Variants in COL5A1 observed in about 807,000 individuals in gnomAD.
COL5A1 encodes collagen alpha-1(V) chain.
In COL5A1, 16 loss-of-function variants were observed where a neutral mutation model predicts 263.7. That is an observed-to-expected ratio of 0.06 (90% CI 0.04 to 0.09). COL5A1 has a LOEUF of 0.09. Ranked by LOEUF, COL5A1 falls within the 10% of genes least tolerant of loss-of-function variation. The pLI, the probability that COL5A1 is intolerant of heterozygous loss-of-function variation, is 1.00. For missense variants in COL5A1, 2,036 were observed against 2,540.5 expected, an observed-to-expected ratio of 0.80 and a Z score of 4.27; for synonymous variants, 1,012 against 1,004.5, an observed-to-expected ratio of 1.01 and a Z score of -0.14.
At chr9:134,706,907 G>T (rs1833853670) in intron 4 of COL5A1, among the ~76,000 whole-genome samples, 1 of 152,220 alleles carries the variant, frequency 6.6e-6, no homozygotes, top group Admixed American at 6.5e-5. Context: ...AGGTGACCTG[G>T]ACCCGCCTAG....
At chr9:134,658,027 A>G (rs2132491809) in intron 1 of COL5A1, among the ~76,000 whole-genome samples, 1 of 152,000 alleles carries the variant, frequency 6.6e-6, no homozygotes, top group South Asian at 2.1e-4. Context: ...GGCGGACTGC[A>G]CTCGGAGTCC....
At chr9:134,760,950 C>T (rs1836400438) in intron 18 of COL5A1, among the ~76,000 whole-genome samples, 1 of 150,274 alleles carries the variant, frequency 6.7e-6, no homozygotes, top group Admixed American at 6.6e-5. Context: ...TGCATACACA[C>T]CCGCCACACA....
intron 64 of COL5A1, among the ~76,000 whole-genome samples, chr9:134,833,578 TTTC>T (rs975622394): frequency 1.1e-4 from 16 of 149,188 alleles, no homozygotes; most frequent in African/African-American, 4.1e-4. Flanking sequence ...AGGAGTGGTC[TTTC>T]TTGAGTGGCC....
At chr9:134,811,414 C>T in intron 45 of COL5A1, 22 bp downstream of exon 45, 1 of 1,613,910 alleles carries the variant, frequency 6.2e-7, no homozygotes, top group Non-Finnish European at 8.5e-7. Context: ...TGGTCAATGA[C>T]CTTCGAAAAG....
chr9:134,824,145 C>G (rs1208791350), intron 61 of COL5A1, among the ~76,000 whole-genome samples: 1 of 152,188 alleles, frequency 6.6e-6, no homozygotes, highest in Non-Finnish European at 1.5e-5. Context: ...GTCTCTCCAA[C>G]TCCCATCGTC....
chr9:134,795,775 C>T (rs1588559128), intron 34 of COL5A1, among the ~76,000 whole-genome samples: 1 of 152,396 alleles, frequency 6.6e-6, no homozygotes, highest in East Asian at 1.9e-4. Context: ...TGAAGCCACT[C>T]CTTGGGTGGA....
At chr9:134,835,296 C>T in intron 65 of COL5A1, 92 bp downstream of exon 65, 2 of 1,195,178 alleles carry the variant, frequency 1.7e-6, no homozygotes, top group Non-Finnish European at 2.4e-6. Context: ...CCCAAGATGC[C>T]TGCCAGAGGG....
chr9:134,736,109 T>A (rs1486966104), intron 9 of COL5A1, among the ~76,000 whole-genome samples: 1 of 152,216 alleles, frequency 6.6e-6, no homozygotes, highest in African/African-American at 2.4e-5. Flanking sequence ...GGGAGTCCCC[T>A]CACCAGCCTG....
intron 9 of COL5A1, among the ~76,000 whole-genome samples, chr9:134,735,402 A>G (rs1416932629): frequency 1.3e-5 from 2 of 152,074 alleles, no homozygotes; most frequent in African/African-American, 4.8e-5. Context: ...CAATATCATT[A>G]ACTATATCGA....
At chr9:134,817,923 T>A (rs932544080) in intron 54 of COL5A1, 92 bp downstream of exon 54, 6 of 1,335,004 alleles carry the variant, frequency 4.5e-6, no homozygotes, top group African/African-American at 2.9e-5. Flanking sequence ...GGCAGAGATG[T>A]CCATGGAGGC....
At chr9:134,825,396 T>A (rs1017157441) in intron 62 of COL5A1, among the ~76,000 whole-genome samples, 5 of 152,192 alleles carry the variant, frequency 3.3e-5, no homozygotes, top group Admixed American at 6.5e-5. Flanking sequence ...CCTGGGAAGT[T>A]TGAATGTTCC....
intron 27 of COL5A1, among the ~76,000 whole-genome samples, chr9:134,779,776 A>T (rs56309633): frequency 6.6e-6 from 1 of 152,128 alleles, no homozygotes; most frequent in Non-Finnish European, 1.5e-5. Flanking sequence ...CTAGAAGATG[A>T]TGCTATAATG....
At chr9:134,800,755 A>AAAAAC (rs1838084103) in intron 37 of COL5A1, among the ~76,000 whole-genome samples, 1 of 149,782 alleles carries the variant, frequency 6.7e-6, no homozygotes, top group Non-Finnish European at 1.5e-5. Flanking sequence ...CAAACAAAAA[A>AAAAAC]AAAAAAAAAA....
Position 134,836,717 on chromosome 9 carries a change from C to A in COL5A1, c.5370+1513C>A, listed in dbSNP as rs1178100116. Among the ~76,000 whole-genome samples the A allele has an allele frequency of 5.9e-5, 9 of 152,234 alleles. No homozygotes were observed. In the East Asian group the frequency reaches 1.7e-3, roughly 29 times the overall value. On this transcript the variant is annotated intron_variant, in intron 65 of 65. Coordinates refer to ENST00000371817, the MANE Select transcript of COL5A1 (RefSeq NM_000093.5). ...CAGCATCGCTGCGGAGCACCTGGCC[C>A]TCACCCATAGGACGCTCAGCTCCTT... is the stretch of plus-strand genomic sequence containing the variant.
chr9:134,813,342 C>T (rs1344643012), intron 48 of COL5A1, among the ~76,000 whole-genome samples: 1 of 152,188 alleles, frequency 6.6e-6, no homozygotes, highest in Non-Finnish European at 1.5e-5. Context: ...GAGTGTACAT[C>T]CATGCACTTG....
chr9:134,756,509 C>G (rs1241905246), intron 16 of COL5A1, among the ~76,000 whole-genome samples: 1 of 152,184 alleles, frequency 6.6e-6, no homozygotes, highest in East Asian at 1.9e-4. Flanking sequence ...GGCGTGATCC[C>G]CCTTTGACAG....
At chr9:134,802,109 G>A in intron 38 of COL5A1, 102 bp downstream of exon 38, 1 of 1,173,782 alleles carries the variant, frequency 8.5e-7, no homozygotes, top group Non-Finnish European at 1.3e-6. Flanking sequence ...GATTCCGGAG[G>A]TGCAGGTACT....
At chr9:134,786,116 G>A in intron 31 of COL5A1, 68 bp downstream of exon 31, 1 of 1,402,352 alleles carries the variant, frequency 7.1e-7, no homozygotes, top group East Asian at 2.4e-5. Flanking sequence ...TCCCCACCCT[G>A]CATCCGGCCG....
chr9:134,696,574 T>C lies in COL5A1; in HGVS notation c.278-3335T>C, dbSNP rs1401701361. Among the ~76,000 whole-genome samples the C allele has an allele frequency of 1.3e-5, 2 of 152,232 alleles. No individual in the cohort carries two copies. Among genetic ancestry groups the C allele is most frequent in the Non-Finnish European group, 2.9e-5 (2 of 68,046 alleles). On this transcript the variant is annotated intron_variant, in intron 2 of 65. Transcript: ENST00000371817. This position sits in a 1 kb window ranked among gnomAD's most constrained non-coding sequence, Gnocchi z 4.3. ...AGGGACCATATCTGTCCTTTGACTG[T>C]GTCACCCCAGCGCCTGGCACCAATC... is the stretch of plus-strand genomic sequence containing the variant.
Sources: gnomAD v4.1 joint callset for allele counts (sites outside exome capture counted in the v4.1 genomes callset) on GRCh38, gnomAD v4.1.1 for gene constraint, Gnocchi (gnomAD v3.1) non-coding constraint, MANE v1.5 for transcripts, NCBI Gene and HGNC (gene_info 2026-07-23, HGNC 2026-07-21) for gene names.